MICU2: variants seen among roughly 807,000 people sequenced by gnomAD.
MICU2 encodes mitochondrial calcium uptake 2, also known as calcium uptake protein 2, mitochondrial.
A neutral mutation model predicts 60.4 loss-of-function variants in MICU2; 64 were observed. The ratio of observed to expected loss-of-function variants is 1.06; its 90% CI spans 0.87 to 1.31. The LOEUF is 1.31. MICU2 is among the 50% of genes most tolerant of loss of function. The probability of loss-of-function intolerance (pLI) is 0.00; values close to 1 mark genes in which losing one functional copy is unlikely to be tolerated. For missense variants in MICU2, 569 were observed against 531.0 expected (o/e 1.07, Z -0.70); for synonymous variants, 201 against 175.0 (o/e 1.15, Z -1.17).
intron 6 of MICU2, among the ~76,000 whole-genome samples, chr13:21,517,267 T>G (rs1886593218): frequency 6.6e-6 from 1 of 152,246 alleles, no homozygotes; most frequent in South Asian, 2.1e-4. Context: ...TCATTATTAC[T>G]TTTACATTTG....
At chr13:21,597,550 C>A (rs542659981) in intron 1 of MICU2, among the ~76,000 whole-genome samples, 2 of 152,100 alleles carry the variant, frequency 1.3e-5, no homozygotes, top group East Asian at 1.9e-4. Flanking sequence ...TATGTGACTG[C>A]GATTATTCTA....
chr13:21,530,770 A>G, intron 4 of MICU2: 1 of 629,766 alleles, frequency 1.6e-6, no homozygotes. Flanking sequence ...CATACCCACC[A>G]CCGCCCCAGC....
In MICU2 at chr13:21,580,084, C is replaced by T. The variant is rs898473493; in HGVS notation, c.211-13140G>A. Among the ~76,000 whole-genome samples the T allele has an allele frequency of 3.0e-4, 45 of 152,342 alleles. No individual in the cohort carries two copies. The South Asian group carries it at 3.5e-3, about 12-fold the overall frequency. ...CAGGGTCACTTTTCTCCTTCAACTG[C>T]CTCTACCCATTTTTCTTTTACAACA... On this transcript the variant is annotated intron_variant, in intron 1 of 11. Coordinates refer to ENST00000382374, the MANE Select transcript of MICU2 (RefSeq NM_152726.3).
At chr13:21,494,962 T>G (rs1424209451) in intron 11 of MICU2, among the ~76,000 whole-genome samples, 199 bp downstream of exon 11, 1 of 152,194 alleles carries the variant, frequency 6.6e-6, no homozygotes, top group Non-Finnish European at 1.5e-5. Flanking sequence ...AGTGATTTCT[T>G]ATTAGATTCA....
intron 1 of MICU2, among the ~76,000 whole-genome samples, chr13:21,573,417 C>T (rs916166180): frequency 4.6e-5 from 7 of 152,076 alleles, no homozygotes; most frequent in South Asian, 2.1e-4. Context: ...GGACTACAGG[C>T]GCCCGCCACC....
chr13:21,552,971 T>G (rs1887611324), intron 2 of MICU2, among the ~76,000 whole-genome samples: 1 of 152,200 alleles, frequency 6.6e-6, no homozygotes, highest in Admixed American at 6.5e-5. Context: ...GTGAAGAAAG[T>G]CATTGGTAGC....
intron 2 of MICU2, among the ~76,000 whole-genome samples, chr13:21,558,466 T>A (rs925380708): frequency 6.6e-6 from 1 of 152,234 alleles, no homozygotes; most frequent in Non-Finnish European, 1.5e-5. Context: ...TTATTTTAAT[T>A]GAATTTGTTA....
At chr13:21,540,750 A>G (rs1566153265) in intron 2 of MICU2, among the ~76,000 whole-genome samples, 1 of 152,156 alleles carries the variant, frequency 6.6e-6, no homozygotes, top group South Asian at 2.1e-4. Flanking sequence ...TGTGCCAGCC[A>G]AAGACAAAGA....
chr13:21,561,862 T>TC (rs1005245697), intron 2 of MICU2, among the ~76,000 whole-genome samples: 2 of 68,402 alleles, frequency 2.9e-5, no homozygotes, highest in African/African-American at 1.2e-4. Flanking sequence ...CCCTCCCCCC[T>TC]CCCCCCACCC....
Position 21,566,941 on chromosome 13 carries a change from T to C in MICU2, c.214A>G (p.Asn72Asp), listed in dbSNP as rs191525541. The C allele has an allele frequency of 4.5e-5, 71 of 1,592,500 alleles. No individual in the cohort carries two copies. The Admixed American group carries it at 1.3e-3, about 30-fold the overall frequency. The change falls in exon 2 of 12, where the codon AAT becomes GAT. Residue 72 changes from asparagine (N) to aspartate (D), a missense_variant. Asn to Asp is a conservative substitution (Grantham distance 23, BLOSUM62 1). Transcript: ENST00000382374. Reference protein sequence around the residue: ...DGSFTVSAQKNVEHGIIYIGK... With the variant: ...DGSFTVSAQKDVEHGIIYIGK... ...ATATATATTATTCCATGTTCAACAT[T>C]TTTCTAAAAGAAAAATAAATTGCAA...
chr13:21,554,441 A>G (rs985448250), intron 2 of MICU2, among the ~76,000 whole-genome samples: 5 of 152,258 alleles, frequency 3.3e-5, no homozygotes, highest in Non-Finnish European at 5.9e-5. Context: ...TACTGGGTAC[A>G]TAACGAAATG....
At position 21,525,743 on chromosome 13, in the gene MICU2, T is replaced by C. The variant is rs1886838017; in HGVS notation, c.467-3093A>G. Among the ~76,000 whole-genome samples, 3 of 152,014 alleles carry C rather than the reference T, an allele frequency of 2.0e-5. No homozygotes were observed. The South Asian group carries it at 6.2e-4, about 32-fold the overall frequency. On this transcript the variant is annotated intron_variant, in intron 4 of 11. Transcript: ENST00000382374. ...TTTTGAGAAATTTCTACTTGAGTCC[T>C]TTTCCCATTAAGAAAAGTTTTGTAT...
chr13:21,508,914 T>G (rs976284687), intron 8 of MICU2, among the ~76,000 whole-genome samples: 1 of 152,210 alleles, frequency 6.6e-6, no homozygotes, highest in Non-Finnish European at 1.5e-5. Flanking sequence ...CCTATTTATC[T>G]AAGAAAGCAC....
Position 21,529,668 on chromosome 13 carries a change from TTG to T in MICU2, c.467-7020_467-7019del, listed in dbSNP as rs372303127. ...ATTTGCCTAATTAACAGATCTTTCGTTGACATGATCTCAGGCACTGTGTCAGA... is the reference window on the plus strand; with the variant it reads ...ATTTGCCTAATTAACAGATCTTTCGTACATGATCTCAGGCACTGTGTCAGA... On this transcript the variant is annotated intron_variant, in intron 4 of 11. Transcript: ENST00000382374. Among the ~76,000 whole-genome samples the T allele has an allele frequency of 1.8e-4, 27 of 152,366 alleles. 1 individual carries two copies. The East Asian group carries it at 4.4e-3, about 25-fold the overall frequency.
At chr13:21,545,496 C>T (rs535578719) in intron 2 of MICU2, among the ~76,000 whole-genome samples, 33 of 152,180 alleles carry the variant, frequency 2.2e-4, no homozygotes, top group South Asian at 1.0e-3. Flanking sequence ...GCCTGACCAG[C>T]GTGGTGAAAC....
rs2138001246 is a variant in MICU2 at position 21,539,657 on chromosome 13, CT to C, written c.389del (p.Lys130ArgfsTer28). On this transcript the variant is annotated frameshift_variant and splice_region_variant, in exon 3 of 12. Coordinates refer to ENST00000382374, the MANE Select transcript of MICU2 (RefSeq NM_152726.3). LOFTEE classifies it high-confidence loss of function. ...RKTSVKKLTK[K>X]DIEDTLSGIQ... is the part of the protein sequence containing the mutation. ...CTGCCCCCCACAACATGATGCTTACCTTTTTTGTCAGCTTCTTGACTGAAGT... is the reference window on the plus strand; with the variant it reads ...CTGCCCCCCACAACATGATGCTTACCTTTTTGTCAGCTTCTTGACTGAAGT... 2 of 1,614,046 alleles carry C rather than the reference CT, an allele frequency of 1.2e-6. No homozygotes were observed. The highest frequency in any genetic ancestry group is 2.2e-5 in the East Asian group (1 of 44,862).
At chr13:21,496,416 T>A (rs1007590970) in intron 9 of MICU2, 4 of 424,888 alleles carry the variant, frequency 9.4e-6, no homozygotes, top group African/African-American at 8.1e-5. Flanking sequence ...GATCTTGGAC[T>A]CCTGGCCTCC....
chr13:21,507,332 A>G (rs1744898), intron 8 of MICU2, among the ~76,000 whole-genome samples: 149,793 of 152,278 alleles, frequency 0.98, 73,709 homozygotes, highest in Middle Eastern at 1. Context: ...AAAGTGAAGT[A>G]GAGTGACATA....
At chr13:21,493,387 G>A (rs779274956) in intron 11 of MICU2, 34 bp from the exon 12 acceptor site, 1 of 1,434,494 alleles carries the variant, frequency 7.0e-7, no homozygotes, top group Non-Finnish European at 9.6e-7. Flanking sequence ...AGGGGTCATT[G>A]TCTTCAAGGT....
Sources: allele counts gnomAD v4.1 joint callset (sites outside exome capture counted in the v4.1 genomes callset), GRCh38; gene constraint gnomAD v4.1.1; transcripts MANE v1.5; gene names NCBI Gene and HGNC (gene_info 2026-07-23, HGNC 2026-07-21).